Variants in AGBL4 observed in about 807,000 individuals in gnomAD.
AGBL4 encodes the protein cytosolic carboxypeptidase 6.
A neutral mutation model predicts 66.4 loss-of-function variants in AGBL4; 58 were observed. That is an observed-to-expected ratio of 0.87 (90% CI 0.71 to 1.09). The LOEUF is 1.09. AGBL4 is among the 50% of genes least tolerant of loss of function. The probability of loss-of-function intolerance (pLI) is 0.00; values close to 1 mark genes in which losing one functional copy is unlikely to be tolerated. For synonymous variants in AGBL4, 234 were observed against 222.9 expected, an observed-to-expected ratio of 1.05 and a Z score of -0.44; for missense variants, 579 against 631.0, an observed-to-expected ratio of 0.92 and a Z score of 0.88.
At chr1:48,945,912 A>G (rs1162319246) in intron 5 of AGBL4, among the ~76,000 whole-genome samples, 2 of 152,206 alleles carry the variant, frequency 1.3e-5, no homozygotes, top group East Asian at 3.9e-4. Context: ...TGAGAATTCA[A>G]TGAGTTAATA....
intron 11 of AGBL4, among the ~76,000 whole-genome samples, chr1:48,561,801 G>A (rs564973915): frequency 1.1e-4 from 16 of 152,178 alleles, no homozygotes; most frequent in Middle Eastern, 6.8e-3. Context: ...TGGAACTTGC[G>A]CCATCAGCTC....
At chr1:48,805,492 GATA>G (rs1645902828) in intron 6 of AGBL4, among the ~76,000 whole-genome samples, 1 of 152,146 alleles carries the variant, frequency 6.6e-6, no homozygotes, top group East Asian at 1.9e-4. Flanking sequence ...ATGGAACAGG[GATA>G]ATAACATCAT....
At chr1:49,128,887 A>AT (rs1645822597) in intron 4 of AGBL4, among the ~76,000 whole-genome samples, 1 of 152,014 alleles carries the variant, frequency 6.6e-6, no homozygotes, top group South Asian at 2.1e-4. Flanking sequence ...TAAAAATTAA[A>AT]TATGTCTGAT....
chr1:49,161,474 A>C (rs1283018158), intron 4 of AGBL4, among the ~76,000 whole-genome samples: 1 of 152,212 alleles, frequency 6.6e-6, no homozygotes, highest in African/African-American at 2.4e-5. Context: ...TGGGAGCTGC[A>C]GACCAGAGCT....
chr1:49,476,725 A>G (rs895597963), intron 3 of AGBL4, among the ~76,000 whole-genome samples: 1 of 151,978 alleles, frequency 6.6e-6, no homozygotes, highest in Non-Finnish European at 1.5e-5. Context: ...AAGAATAGTG[A>G]TCTCTGCTAT....
rs374496091 is a variant in AGBL4 at position 49,718,357 on chromosome 1, A to G, written c.158-20920T>C. Among the ~76,000 whole-genome samples the G allele has an allele frequency of 3.3e-5, 5 of 152,098 alleles. No homozygotes were observed. The South Asian group carries it at 8.3e-4, about 25-fold the overall frequency. ...TTACCTTCTGCCATGATTGCTGCAG[A>G]AACCCTCACCAGAAGCAGATGCTGG... On this transcript the variant is annotated intron_variant, in intron 2 of 13. Transcript: ENST00000371839.
chr1:49,735,093 C>T (rs1413513908), intron 2 of AGBL4, among the ~76,000 whole-genome samples: 1 of 152,120 alleles, frequency 6.6e-6, no homozygotes, highest in Non-Finnish European at 1.5e-5. Context: ...TTATTATACC[C>T]ATATTGTAGT....
intron 4 of AGBL4, among the ~76,000 whole-genome samples, chr1:49,084,128 C>T (rs7534777): frequency 3.8e-5 from 1 of 26,040 alleles, no homozygotes; most frequent in African/African-American, 2.4e-4. Context: ...TTCCAAATTT[C>T]CCCACATCTT....
At chr1:49,880,894 C>G (rs1010538997) in intron 1 of AGBL4, among the ~76,000 whole-genome samples, 1 of 152,076 alleles carries the variant, frequency 6.6e-6, no homozygotes, top group Admixed American at 6.5e-5. Context: ...CTGAAAAGCA[C>G]AATATTCGGG....
At chr1:48,868,818 T>A (rs932298264) in intron 5 of AGBL4, among the ~76,000 whole-genome samples, 2 of 152,192 alleles carry the variant, frequency 1.3e-5, no homozygotes, top group African/African-American at 2.4e-5. Context: ...AACCCACTAC[T>A]TTTTTTGGTT....
intron 1 of AGBL4, among the ~76,000 whole-genome samples, chr1:49,918,248 A>G (rs1651787661): frequency 6.6e-6 from 1 of 152,208 alleles, no homozygotes; most frequent in African/African-American, 2.4e-5. Flanking sequence ...GCAGCACTGA[A>G]GGAGATAGAG....
intron 9 of AGBL4, among the ~76,000 whole-genome samples, chr1:48,603,286 A>G (rs1338327876): frequency 6.6e-6 from 1 of 152,130 alleles, no homozygotes; most frequent in Non-Finnish European, 1.5e-5. Flanking sequence ...CCTGGTCAAC[A>G]TGGTGAAACC....
At chr1:49,742,157 G>A (rs1177971832) in intron 2 of AGBL4, among the ~76,000 whole-genome samples, 3 of 151,814 alleles carry the variant, frequency 2.0e-5, no homozygotes, top group Non-Finnish European at 4.4e-5. Flanking sequence ...AAACCCCATT[G>A]TCTCAGCCCA....
intron 1 of AGBL4, among the ~76,000 whole-genome samples, chr1:49,925,874 G>A (rs145112342): frequency 6.6e-6 from 1 of 152,314 alleles, no homozygotes; most frequent in Non-Finnish European, 1.5e-5. Context: ...AAAGTGCCAG[G>A]TAGATTCCTA....
At chr1:48,555,899 C>A (rs1644314816) in intron 11 of AGBL4, among the ~76,000 whole-genome samples, 1 of 152,136 alleles carries the variant, frequency 6.6e-6, no homozygotes, top group African/African-American at 2.4e-5. Context: ...GAATAGCACA[C>A]CAGGTTCCTG....
intron 5 of AGBL4, among the ~76,000 whole-genome samples, chr1:48,931,484 CT>C (rs1655029295): frequency 6.6e-6 from 1 of 152,154 alleles, no homozygotes; most frequent in Non-Finnish European, 1.5e-5. Context: ...TTCTCTATCT[CT>C]TATACTGCTG....
rs530831003 is a variant in AGBL4, at chr1:49,893,187, T to C, written c.35-41669A>G. On this transcript the variant is annotated intron_variant, in intron 1 of 13. Coordinates refer to ENST00000371839, the MANE Select transcript of AGBL4 (RefSeq NM_032785.4). ...TTCCATTGTTATACCCAGCTATATC[T>C]TTTAGTATAGCTGAGAGGCAGCAGA... Among the ~76,000 whole-genome samples, 18 of 152,300 alleles carry C rather than the reference T, an allele frequency of 1.2e-4. 1 individual carries two copies. Among genetic ancestry groups the C allele is most frequent in the South Asian group, 4.1e-4 (2 of 4,822 alleles).
At chr1:48,669,111 A>C (rs1281460845) in intron 6 of AGBL4, among the ~76,000 whole-genome samples, 2 of 152,220 alleles carry the variant, frequency 1.3e-5, no homozygotes, top group African/African-American at 4.8e-5. Context: ...TTCCCTGGGT[A>C]GATGGACTGG....
chr1:49,931,644 T>C (rs1384315163), intron 1 of AGBL4, among the ~76,000 whole-genome samples: 1 of 152,058 alleles, frequency 6.6e-6, no homozygotes, highest in Admixed American at 6.6e-5. Context: ...TGAGATGAGA[T>C]TTGGGTGAGG....
Sources: gnomAD v4.1 joint callset for allele counts (sites outside exome capture counted in the v4.1 genomes callset) on GRCh38, gnomAD v4.1.1 for gene constraint, MANE v1.5 for transcripts, NCBI Gene and HGNC (gene_info 2026-07-23, HGNC 2026-07-21) for gene names.